Variants in LMBR1 observed in about 807,000 individuals in gnomAD.
LMBR1 encodes limb region 1 protein homolog.
Under a neutral mutation model 73.9 loss-of-function variants are expected in LMBR1, and 52 were observed. That is an observed-to-expected ratio of 0.70 (90% CI 0.56 to 0.89). The LOEUF is 0.89. Ranked by LOEUF, LMBR1 falls within the 40% of genes least tolerant of loss-of-function variation. The pLI is 0.00. For synonymous variants in LMBR1, 215 were observed against 209.4 expected, an observed-to-expected ratio of 1.03 and a Z score of -0.23; for missense variants, 539 against 579.8, an observed-to-expected ratio of 0.93 and a Z score of 0.72.
At chr7:156,673,758 T>C (rs1005339614), downstream of LMBR1, among the ~76,000 whole-genome samples, 2 of 152,174 alleles carry the variant, frequency 1.3e-5, no homozygotes, top group Admixed American at 6.5e-5. Context: ...AGGCAGCTCA[T>C]AGTCTCCACA....
intron 5 of LMBR1, among the ~76,000 whole-genome samples, chr7:156,778,580 C>T (rs752056735): frequency 1.3e-5 from 2 of 152,172 alleles, no homozygotes; most frequent in Non-Finnish European, 2.9e-5. Flanking sequence ...CCTTCAAAAA[C>T]TTTGAGCTAG....
At chr7:156,750,328 C>T (rs1585546919) in intron 9 of LMBR1, among the ~76,000 whole-genome samples, 1 of 151,764 alleles carries the variant, frequency 6.6e-6, no homozygotes, top group East Asian at 1.9e-4. Flanking sequence ...CCTCTTAATG[C>T]TAGGAAGGAA....
intron 9 of LMBR1, among the ~76,000 whole-genome samples, chr7:156,735,886 T>C (rs77729064): frequency 0.026 from 4,010 of 152,294 alleles, 180 homozygotes; most frequent in African/African-American, 0.092. Flanking sequence ...TTAGAGTTCA[T>C]TGGCTATAGG....
At chr7:156,884,192 G>T (rs755367147) in intron 1 of LMBR1, among the ~76,000 whole-genome samples, 1 of 152,130 alleles carries the variant, frequency 6.6e-6, no homozygotes, top group Non-Finnish European at 1.5e-5. Context: ...CCTGACATCT[G>T]GGAGCTGGCC....
At chr7:156,753,555 C>T (rs979562105) in intron 9 of LMBR1, among the ~76,000 whole-genome samples, 15 of 152,024 alleles carry the variant, frequency 9.9e-5, no homozygotes, top group Non-Finnish European at 4.4e-5. Flanking sequence ...CCAAATGGCA[C>T]AAGCAGAAAG....
intron 5 of LMBR1, among the ~76,000 whole-genome samples, chr7:156,773,004 C>T (rs1218323851): frequency 6.6e-6 from 1 of 151,854 alleles, no homozygotes; most frequent in Non-Finnish European, 1.5e-5. Flanking sequence ...ATAAGCAATG[C>T]CAGCAAAGTT....
intron 5 of LMBR1, among the ~76,000 whole-genome samples, chr7:156,787,547 C>G (rs1828349876): frequency 6.6e-6 from 1 of 152,076 alleles, no homozygotes; most frequent in Non-Finnish European, 1.5e-5. Flanking sequence ...ATACAAAGAC[C>G]AAAATTTCTC....
At chr7:156,886,338 A>C (rs1224895784) in intron 1 of LMBR1, among the ~76,000 whole-genome samples, 1 of 152,218 alleles carries the variant, frequency 6.6e-6, no homozygotes, top group Non-Finnish European at 1.5e-5. Context: ...AGGAGGAGCT[A>C]TGAATATTCA....
intron 8 of LMBR1, among the ~76,000 whole-genome samples, chr7:156,757,661 A>T (rs1168989832): frequency 6.6e-6 from 1 of 152,252 alleles, no homozygotes; most frequent in African/African-American, 2.4e-5. Context: ...TCAGCAAAAA[A>T]AATAAATTGT....
chr7:156,867,503 A>C (rs949519477), intron 1 of LMBR1, among the ~76,000 whole-genome samples: 1 of 152,260 alleles, frequency 6.6e-6, no homozygotes, highest in East Asian at 1.9e-4. Context: ...AAGTGGAAAC[A>C]ACCCAAAGGT....
intron 15 of LMBR1, among the ~76,000 whole-genome samples, chr7:156,708,817 G>A (rs1412636452): frequency 6.6e-6 from 1 of 152,140 alleles, no homozygotes; most frequent in African/African-American, 2.4e-5. Context: ...CCTGGGACAA[G>A]GTCTGCGGCA....
chr7:156,814,604 C>T (rs1833613156), intron 4 of LMBR1, among the ~76,000 whole-genome samples: 1 of 152,220 alleles, frequency 6.6e-6, no homozygotes, highest in South Asian at 2.1e-4. Flanking sequence ...AAGGTATTCA[C>T]ACAATTTGTG....
chr7:156,807,562 T>C (rs1296762919), intron 4 of LMBR1, among the ~76,000 whole-genome samples: 1 of 152,142 alleles, frequency 6.6e-6, no homozygotes, highest in Admixed American at 6.5e-5. Context: ...GCAATTGGTC[T>C]CTTCTTTTTT....
At chr7:156,729,251 G>C (rs1816374715) in intron 10 of LMBR1, among the ~76,000 whole-genome samples, 1 of 151,994 alleles carries the variant, frequency 6.6e-6, no homozygotes, top group Non-Finnish European at 1.5e-5. Flanking sequence ...ATATATTGTT[G>C]ATATACAGCT....
downstream of LMBR1, among the ~76,000 whole-genome samples, chr7:156,673,906 TAA>T (rs3030984): frequency 2.2e-4 from 22 of 100,784 alleles, no homozygotes; most frequent in African/African-American, 3.8e-4. Context: ...TCCACATTAA[TAA>T]AAAAAAAAAA....
chr7:156,678,063 A>G lies in LMBR1; in HGVS notation c.*6015T>C, dbSNP rs1216051326. ...GATCATTCAGTGATGGGAAGAGCCC[A>G]GGAAAGGTTGTGCCTAAGGCTGTGC... On this transcript the variant is annotated 3_prime_UTR_variant, in exon 17 of 17. Coordinates refer to ENST00000353442, the MANE Select transcript of LMBR1 (RefSeq NM_022458.4). 2.6e-5 allele frequency: 4 copies of G among 152,282 alleles called. No individual in the cohort carries two copies. Among genetic ancestry groups the G allele is most frequent in the Admixed American group, 2.0e-4 (3 of 15,288 alleles). The allele number at this position is 152,282 out of a possible 1,614,324, so 9.4% of individuals were successfully genotyped here. A position where few individuals can be genotyped will look rare whatever the true frequency, so the allele number is the denominator to read the frequency against.
At chr7:156,702,156 G>T (rs1187475244) in intron 15 of LMBR1, among the ~76,000 whole-genome samples, 1 of 152,094 alleles carries the variant, frequency 6.6e-6, no homozygotes, top group Non-Finnish European at 1.5e-5. Context: ...GAGACTGCTG[G>T]GTCAAATGGT....
chr7:156,823,437 G>C (rs1835120469), intron 4 of LMBR1: 1 of 152,060 alleles, frequency 6.6e-6, no homozygotes, highest in Non-Finnish European at 1.5e-5. Context: ...TCCATGTAAA[G>C]AAATTGTCAG....
At chr7:156,786,599 T>C (rs1828152038) in intron 5 of LMBR1, among the ~76,000 whole-genome samples, 1 of 152,202 alleles carries the variant, frequency 6.6e-6, no homozygotes, top group African/African-American at 2.4e-5. Flanking sequence ...TTTGAAGGAA[T>C]GATAACACTT....
Sources: gnomAD v4.1 joint callset for allele counts (sites outside exome capture counted in the v4.1 genomes callset) on GRCh38, gnomAD v4.1.1 for gene constraint, MANE v1.5 for transcripts, NCBI Gene and HGNC (gene_info 2026-07-23, HGNC 2026-07-21) for gene names.